Variants in NUSAP1 observed in about 807,000 individuals in gnomAD.
NUSAP1 encodes the protein nucleolar and spindle associated protein 1.
A neutral mutation model predicts 52.8 loss-of-function variants in NUSAP1; 32 were observed. That is an observed-to-expected ratio of 0.61 (90% CI 0.46 to 0.81). NUSAP1 has a LOEUF of 0.81. Among genes scored for constraint, NUSAP1 ranks in the 40% least tolerant of loss-of-function variants. NUSAP1 has a pLI of 0.00. For synonymous variants in NUSAP1, 195 were observed against 183.1 expected, an observed-to-expected ratio of 1.06 and a Z score of -0.52; for missense variants, 499 against 522.3, an observed-to-expected ratio of 0.96 and a Z score of 0.43.
chr15:41,346,978 G>A (rs1299169412), intron 2 of NUSAP1, among the ~76,000 whole-genome samples: 1 of 151,934 alleles, frequency 6.6e-6, no homozygotes, highest in Admixed American at 6.6e-5. Context: ...TTCGAGACCA[G>A]CCTGGCCAAA....
intron 1 of NUSAP1, 25 bp downstream of exon 1, chr15:41,333,075 C>T: frequency 6.3e-7 from 1 of 1,581,676 alleles, no homozygotes; most frequent in Non-Finnish European, 8.6e-7. Context: ...GTGCGGGTCC[C>T]TGGGCGGGCG....
At chr15:41,351,340 C>T (rs759118177) in intron 4 of NUSAP1, among the ~76,000 whole-genome samples, 1 of 152,180 alleles carries the variant, frequency 6.6e-6, no homozygotes, top group Non-Finnish European at 1.5e-5. Context: ...TCTGGGTGGA[C>T]TCCTTCCTTG....
intron 9 of NUSAP1, among the ~76,000 whole-genome samples, chr15:41,376,156 G>A (rs1459164974): frequency 1.3e-5 from 2 of 151,760 alleles, no homozygotes; most frequent in Non-Finnish European, 2.9e-5. Context: ...GCACTTTTGG[G>A]AGGCTGAGGT....
chr15:41,369,837 G>T (rs1473035399), intron 7 of NUSAP1, among the ~76,000 whole-genome samples: 1 of 149,192 alleles, frequency 6.7e-6, no homozygotes, highest in African/African-American at 2.5e-5. Context: ...GGAGGCCGAG[G>T]CGGGCAGATC....
chr15:41,351,827 T>C (rs964274412), intron 4 of NUSAP1: 2 of 151,890 alleles, frequency 1.3e-5, no homozygotes, highest in Non-Finnish European at 2.9e-5. Flanking sequence ...TTAACCTTAA[T>C]ACATCTGAAA....
intron 1 of NUSAP1, among the ~76,000 whole-genome samples, chr15:41,335,710 T>C (rs900244277): frequency 4.2e-5 from 6 of 142,934 alleles, no homozygotes; most frequent in Admixed American, 7.2e-5. Flanking sequence ...TTAGTATAAA[T>C]ATACTAAATA....
At chr15:41,349,067 G>C in intron 2 of NUSAP1, 31 bp from the exon 3 acceptor site, 3 of 1,604,882 alleles carry the variant, frequency 1.9e-6, no homozygotes, top group Non-Finnish European at 2.6e-6. Context: ...TGTAGACATA[G>C]CACATAGCAG....
At chr15:41,353,232 C>T (rs2048842126) in intron 4 of NUSAP1, among the ~76,000 whole-genome samples, 1 of 152,120 alleles carries the variant, frequency 6.6e-6, no homozygotes, top group Admixed American at 6.6e-5. Flanking sequence ...CTCATTGCAA[C>T]CTTTGCCTCC....
chr15:41,377,873 C>T (rs1175707905), intron 10 of NUSAP1, among the ~76,000 whole-genome samples: 8 of 151,178 alleles, frequency 5.3e-5, no homozygotes, highest in Non-Finnish European at 7.4e-5. Flanking sequence ...TGGTGGCGGG[C>T]GCCTGTAGTC....
At chr15:41,363,885 C>A (rs1025736282) in intron 6 of NUSAP1, among the ~76,000 whole-genome samples, 1 of 152,128 alleles carries the variant, frequency 6.6e-6, no homozygotes, top group Non-Finnish European at 1.5e-5. Flanking sequence ...GCATTTATTT[C>A]CTTCCCTCTT....
At chr15:41,369,251 A>G (rs2049556214) in intron 7 of NUSAP1, among the ~76,000 whole-genome samples, 2 of 151,890 alleles carry the variant, frequency 1.3e-5, no homozygotes, top group Non-Finnish European at 2.9e-5. Flanking sequence ...CTGTTCCTCC[A>G]ATGTAGTTTT....
At chr15:41,338,157 A>G (rs1002537322) in intron 1 of NUSAP1, among the ~76,000 whole-genome samples, 1 of 148,146 alleles carries the variant, frequency 6.8e-6, no homozygotes, top group Admixed American at 6.7e-5. Flanking sequence ...CTGGTTTCAA[A>G]CTCCTGACCT....
At chr15:41,345,362 A>G (rs891606000) in intron 2 of NUSAP1, 4 of 351,978 alleles carry the variant, frequency 1.1e-5, no homozygotes, top group African/African-American at 2.3e-5. Context: ...TTCTATTCTC[A>G]TGTAAAAACC....
intron 8 of NUSAP1, among the ~76,000 whole-genome samples, 199 bp from the exon 9 acceptor site, chr15:41,375,513 A>G (rs751391732): frequency 2.0e-5 from 3 of 151,912 alleles, no homozygotes; most frequent in Middle Eastern, 3.2e-3. Flanking sequence ...GGGTTTCACC[A>G]TGTTGGTCAG....
chr15:41,342,491 A>G (rs77608486), intron 2 of NUSAP1, 37 bp downstream of exon 2: 21,934 of 1,413,844 alleles, frequency 0.016, 297 homozygotes, highest in Middle Eastern at 0.056. Context: ...GTTAGCTAGC[A>G]AAATAATCAT....
intron 8 of NUSAP1, 23 bp from the exon 9 acceptor site, chr15:41,375,689 G>T (rs747279905): frequency 3.3e-5 from 47 of 1,422,304 alleles, no homozygotes; most frequent in Non-Finnish European, 4.7e-5. Context: ...TTAAGCTCTT[G>T]GGTTTTTTCG....
At chr15:41,344,510 C>T (rs193291877) in intron 2 of NUSAP1, among the ~76,000 whole-genome samples, 192 of 151,926 alleles carry the variant, frequency 1.3e-3, no homozygotes, top group African/African-American at 4.5e-3. Flanking sequence ...TGGTGGTGGG[C>T]GCCTGTTGTC....
Position 41,356,035 on chromosome 15 carries a change from T to A in NUSAP1, c.449-4T>A, listed in dbSNP as rs1307809617. The stretch of plus-strand genomic sequence containing the variant: ...CTTCATTATTTCTGTGTCTTTGGAT[T>A]TAGGTAACAGAGATTCAAAGGTACC... On this transcript the variant is annotated splice_region_variant and splice_polypyrimidine_tract_variant and intron_variant, in intron 4 of 10. Coordinates refer to ENST00000559596, the MANE Select transcript of NUSAP1 (RefSeq NM_016359.5). The A allele has an allele frequency of 6.4e-7, 1 of 1,556,140 alleles. No homozygotes were observed. Among genetic ancestry groups the A allele is most frequent in the East Asian group, 2.2e-5 (1 of 44,566 alleles).
At chr15:41,345,468 C>CTTT (rs202120158) in intron 2 of NUSAP1, 13 of 355,592 alleles carry the variant, frequency 3.7e-5, no homozygotes, top group Admixed American at 1.0e-4. Context: ...TTTTTTCTTT[C>CTTT]TTTTTTTTTT....
Sources: gnomAD v4.1 joint callset for allele counts (sites outside exome capture counted in the v4.1 genomes callset) on GRCh38, gnomAD v4.1.1 for gene constraint, MANE v1.5 for transcripts, NCBI Gene and HGNC (gene_info 2026-07-23, HGNC 2026-07-21) for gene names.